AUNIP: variants seen among roughly 807,000 people sequenced by gnomAD.
AUNIP encodes the protein aurora kinase A- and ninein-interacting protein.
AUNIP carries 16 observed loss-of-function variants against 12.2 expected under a neutral mutation model. The observed-to-expected ratio is 1.31, with a 90% CI of 0.88 to 1.99. The LOEUF is 1.99. Ranked by LOEUF, AUNIP falls within the 30% of genes most tolerant of loss-of-function variation. The pLI is 0.00. For synonymous variants in AUNIP, 142 were observed against 154.8 expected (o/e 0.92, Z 0.61); for missense variants, 411 against 419.1 (o/e 0.98, Z 0.17).
rs1320708366 is a variant in AUNIP, at chr1:25,843,710, A to G, written c.79-6156T>C. 2.6e-5 allele frequency among the ~76,000 whole-genome samples: 4 copies of G among 151,894 alleles called. No individual in the cohort carries two copies. The East Asian group carries it at 5.8e-4, about 22-fold the overall frequency. On this transcript the variant is annotated intron_variant, in intron 1 of 2. Transcript: ENST00000374298. The stretch of plus-strand genomic sequence containing the variant: ...TTCCAGCTCTCGTGGATGACTTTGC[A>G]GTATTTAAGAGTTCAGTGAAGGAAG...
At chr1:25,848,683 G>A (rs577120815) in intron 1 of AUNIP, among the ~76,000 whole-genome samples, 14 of 152,246 alleles carry the variant, frequency 9.2e-5, no homozygotes, top group African/African-American at 3.1e-4. Flanking sequence ...TGCATTAACA[G>A]CATGACCTCT....
chr1:25,837,602 A>G (rs988719285), intron 1 of AUNIP, 48 bp from the exon 2 acceptor site: 1 of 1,568,504 alleles, frequency 6.4e-7, no homozygotes, highest in African/African-American at 1.4e-5. Context: ...ATATTAAAAG[A>G]CATACAGTAG....
downstream of AUNIP, chr1:25,832,505 C>T (rs768508038): frequency 1.8e-5 from 5 of 272,594 alleles, no homozygotes; most frequent in Admixed American, 1.4e-4. Flanking sequence ...TATGCTGCTC[C>T]GTCATAAACC....
intron 1 of AUNIP, among the ~76,000 whole-genome samples, chr1:25,844,107 T>TTTTA (rs1274030189): frequency 2.0e-5 from 3 of 152,216 alleles, no homozygotes; most frequent in African/African-American, 2.4e-5. Context: ...AGTTTCATTG[T>TTTTA]TTTATTTATT....
chr1:25,834,852 A>T lies in AUNIP; in HGVS notation c.*141T>A. On this transcript the variant is annotated 3_prime_UTR_variant, in exon 3 of 3. Transcript: ENST00000374298. The stretch of plus-strand genomic sequence containing the variant: ...AACAATGGTACTGCCCTTTATTTAC[A>T]CAGAGAAGATGCTCAGTAATGACAA... The T allele has an allele frequency of 6.7e-7, 1 of 1,489,224 alleles. No individual in the cohort carries two copies. Among genetic ancestry groups the T allele is most frequent in the Non-Finnish European group, 8.9e-7 (1 of 1,128,004 alleles). 92.3% of individuals were successfully genotyped at this position (1,489,224 alleles called of 1,614,324 possible). A position where few individuals can be genotyped will look rare whatever the true frequency, so the allele number is the denominator to read the frequency against.
intron 1 of AUNIP, among the ~76,000 whole-genome samples, chr1:25,853,481 C>T (rs2048437807): frequency 6.6e-6 from 1 of 151,928 alleles, no homozygotes; most frequent in Non-Finnish European, 1.5e-5. Context: ...CCTGTAATTC[C>T]AGCTACTAAG....
chr1:25,853,114 G>A (rs1167866829), intron 1 of AUNIP, among the ~76,000 whole-genome samples: 1 of 152,132 alleles, frequency 6.6e-6, no homozygotes, highest in Non-Finnish European at 1.5e-5. Flanking sequence ...TGGGTAGACT[G>A]TTCTATATTT....
intron 1 of AUNIP, among the ~76,000 whole-genome samples, chr1:25,858,798 C>T (rs1350987296): frequency 3.9e-5 from 6 of 152,196 alleles, no homozygotes; most frequent in African/African-American, 1.4e-4. Context: ...TTCTACTTTT[C>T]CCCTCAAAGT....
intron 1 of AUNIP, among the ~76,000 whole-genome samples, chr1:25,855,547 G>A (rs749471644): frequency 5.9e-5 from 9 of 152,000 alleles, no homozygotes; most frequent in Admixed American, 5.2e-4. Flanking sequence ...CCTAAGTAAC[G>A]AGGCCAAATG....
intron 2 of AUNIP, among the ~76,000 whole-genome samples, chr1:25,836,528 T>C (rs1460097061): frequency 1.3e-5 from 2 of 152,236 alleles, no homozygotes; most frequent in East Asian, 1.9e-4. Context: ...ATGGAGGACA[T>C]GGAATTCCCA....
At position 25,835,278 on chromosome 1, in the gene AUNIP, T is replaced by C. The variant is rs1255637984; in HGVS notation, c.789A>G (p.Lys263=). ...SWNGENIESV[K]QSRSPVSVFS... Reference sequence around the variant, plus strand: ...ACACAGAAACTGGACTACGGCTTTGTTTCACTGATTCTATGTTTTCTCCAT... The same window carrying C: ...ACACAGAAACTGGACTACGGCTTTGCTTCACTGATTCTATGTTTTCTCCAT... Residue 263 remains lysine, a synonymous_variant, in exon 3 of 3, where the codon AAA becomes AAG. Coordinates refer to ENST00000374298, the MANE Select transcript of AUNIP (RefSeq NM_024037.3). 3 of 1,597,470 alleles carry C rather than the reference T, an allele frequency of 1.9e-6. No homozygotes were observed. The highest frequency in any genetic ancestry group is 2.6e-6 in the Non-Finnish European group (3 of 1,165,710).
At chr1:25,833,598 A>T (rs1347069321), downstream of AUNIP, among the ~76,000 whole-genome samples, 1 of 152,058 alleles carries the variant, frequency 6.6e-6, no homozygotes, top group African/African-American at 2.4e-5. Flanking sequence ...AAAATATTTT[A>T]AAAATAATTA....
At chr1:25,858,730 A>G (rs765482354) in intron 1 of AUNIP, among the ~76,000 whole-genome samples, 1 of 152,208 alleles carries the variant, frequency 6.6e-6, no homozygotes, top group South Asian at 2.1e-4. Context: ...TATCTAATGC[A>G]GTATCCGGCA....
Position 25,859,405 on chromosome 1 carries a change from C to T in AUNIP, c.-48G>A, listed in dbSNP as rs147333058. 6.8e-7 allele frequency: 1 copy of T among 1,463,478 alleles called. No individual in the cohort carries two copies. The highest frequency in any genetic ancestry group is 1.3e-5 in the South Asian group (1 of 76,004). 90.7% of individuals were successfully genotyped at this position (1,463,478 alleles called of 1,614,324 possible). The stretch of plus-strand genomic sequence containing the variant: ...GCAGGACGCCGGCGCAGGCTCCCGG[C>T]GCCTCAGGGAACGCCAGAACCGCGG... On this transcript the variant is annotated 5_prime_UTR_variant, in exon 1 of 3. Transcript: ENST00000374298.
chr1:25,837,584 G>A (rs951119225), intron 1 of AUNIP, 30 bp from the exon 2 acceptor site: 2 of 1,598,912 alleles, frequency 1.3e-6, no homozygotes, highest in African/African-American at 2.7e-5. Context: ...AGAATAATGA[G>A]CCTATTAATA....
chr1:25,857,237 G>C (rs2048468847), intron 1 of AUNIP, among the ~76,000 whole-genome samples: 1 of 147,668 alleles, frequency 6.8e-6, no homozygotes, highest in Non-Finnish European at 1.5e-5. Flanking sequence ...AATAGCTATT[G>C]CACATTTTGA....
At chr1:25,840,996 A>C (rs1347775736) in intron 1 of AUNIP, among the ~76,000 whole-genome samples, 1 of 152,256 alleles carries the variant, frequency 6.6e-6, no homozygotes, top group East Asian at 1.9e-4. Flanking sequence ...AGTCCTATAA[A>C]GAAGTTTTAC....
intron 1 of AUNIP, among the ~76,000 whole-genome samples, chr1:25,851,015 T>A (rs1320158397): frequency 6.6e-6 from 1 of 152,274 alleles, no homozygotes; most frequent in East Asian, 1.9e-4. Flanking sequence ...GTTAACTGGG[T>A]TTTCATAGAT....
At chr1:25,840,712 T>C (rs552644348) in intron 1 of AUNIP, among the ~76,000 whole-genome samples, 1 of 152,352 alleles carries the variant, frequency 6.6e-6, no homozygotes, top group South Asian at 2.1e-4. Flanking sequence ...TGCCATGCAC[T>C]TCTGCCTTGC....
Sources: gnomAD v4.1 joint callset for allele counts (sites outside exome capture counted in the v4.1 genomes callset) on GRCh38, gnomAD v4.1.1 for gene constraint, MANE v1.5 for transcripts, NCBI Gene and HGNC (gene_info 2026-07-23, HGNC 2026-07-21) for gene names.